The following MTFR1 variants were observed in gnomAD, a reference collection of about 807,000 sequenced individuals.
MTFR1 encodes the protein chondrocyte protein with a poly-proline region.
Under a neutral mutation model 38.8 loss-of-function variants are expected in MTFR1, and 28 were observed. The observed-to-expected ratio is 0.72, with a 90% CI of 0.53 to 0.99. The LOEUF (loss-of-function observed/expected upper bound fraction) is 0.99. Ranked by LOEUF, MTFR1 falls within the 50% of genes least tolerant of loss-of-function variation. MTFR1 has a pLI of 0.00. For missense variants in MTFR1, 358 were observed against 395.5 expected (o/e 0.91, Z 0.81); for synonymous variants, 145 against 137.0 (o/e 1.06, Z -0.41).
At chr8:65,675,474 C>T (rs866330780) in intron 2 of MTFR1, among the ~76,000 whole-genome samples, 1 of 151,352 alleles carries the variant, frequency 6.6e-6, no homozygotes, top group Non-Finnish European at 1.5e-5. Flanking sequence ...TGGTGGGCAC[C>T]TGTAGTCCCA....
At chr8:65,758,908 G>A (rs1235178584) in intron 3 of MTFR1, among the ~76,000 whole-genome samples, 4 of 152,130 alleles carry the variant, frequency 2.6e-5, no homozygotes, top group Non-Finnish European at 4.4e-5. Flanking sequence ...TGTTCAGGGC[G>A]TTCCTACCAT....
chr8:65,686,043 T>C (rs1805062524), intron 3 of MTFR1, among the ~76,000 whole-genome samples: 1 of 152,224 alleles, frequency 6.6e-6, no homozygotes, highest in South Asian at 2.1e-4. Flanking sequence ...CGTAGTAGTA[T>C]GGTATAGTGA....
chr8:65,756,437 T>TC (rs1334604665), intron 3 of MTFR1, among the ~76,000 whole-genome samples: 1 of 152,048 alleles, frequency 6.6e-6, no homozygotes, highest in East Asian at 1.9e-4. Flanking sequence ...CTCTTTTTTT[T>TC]CTCTCTCTCT....
At chr8:65,712,288 C>T (rs764882237), downstream of MTFR1, among the ~76,000 whole-genome samples, 4 of 152,164 alleles carry the variant, frequency 2.6e-5, no homozygotes, top group African/African-American at 4.8e-5. Flanking sequence ...GCACTGACCG[C>T]GGGGGCTGAG....
At chr8:65,646,625 G>C (rs764416070) in intron 1 of MTFR1, among the ~76,000 whole-genome samples, 2 of 152,136 alleles carry the variant, frequency 1.3e-5, no homozygotes, top group African/African-American at 4.8e-5. Context: ...CGAGCACTTT[G>C]CAAAGGCCGA....
intron 3 of MTFR1, among the ~76,000 whole-genome samples, chr8:65,768,013 G>GA (rs1052915543): frequency 7.2e-5 from 11 of 152,022 alleles, no homozygotes; most frequent in Non-Finnish European, 1.6e-4. Flanking sequence ...AACCTGTGGG[G>GA]TCTGACACTC....
intron 2 of MTFR1, chr8:65,717,653 G>A (rs2129062420): frequency 6.6e-6 from 1 of 152,290 alleles, no homozygotes; most frequent in East Asian, 1.9e-4. Context: ...CCAAAAGATT[G>A]AGTTATAAGG....
At chr8:65,644,196 C>T (rs771273777), upstream of MTFR1, among the ~76,000 whole-genome samples, 1 of 152,182 alleles carries the variant, frequency 6.6e-6, no homozygotes, top group Non-Finnish European at 1.5e-5. Flanking sequence ...CCAAATGAAT[C>T]GGACTGAACA....
chr8:65,653,793 G>A (rs1280948473), intron 1 of MTFR1, among the ~76,000 whole-genome samples: 2 of 151,942 alleles, frequency 1.3e-5, no homozygotes, highest in East Asian at 1.9e-4. Context: ...GGCTGGGTAT[G>A]GTGGCTCATG....
chr8:65,647,908 C>T (rs1258121853), intron 1 of MTFR1, among the ~76,000 whole-genome samples: 1 of 152,094 alleles, frequency 6.6e-6, no homozygotes, highest in Non-Finnish European at 1.5e-5. Flanking sequence ...TACTGTTGGA[C>T]ATTTTTCACA....
chr8:65,715,996 CAAAAAAAAAAAAAAA>C (rs779701295), intron 2 of MTFR1, among the ~76,000 whole-genome samples: 2 of 33,868 alleles, frequency 5.9e-5, no homozygotes, highest in Admixed American at 5.0e-4. Flanking sequence ...GGCTCTGTCT[CAAAAAAAAAAAAAAA>C]AAAAAAAAAA....
chr8:65,682,488 A>G (rs1563446518), intron 3 of MTFR1, 37 bp downstream of exon 3: 2 of 1,101,168 alleles, frequency 1.8e-6, no homozygotes, highest in South Asian at 2.6e-5. Flanking sequence ...TTTTATTAAT[A>G]TGTACATTAG....
At chr8:65,747,649 C>T (rs565134862) in intron 3 of MTFR1, 3 of 1,596,072 alleles carry the variant, frequency 1.9e-6, no homozygotes, top group Middle Eastern at 1.7e-4. Flanking sequence ...AAACTATACA[C>T]ACCTTGGCTT....
At chr8:65,721,762 G>A (rs531324892) in intron 3 of MTFR1, 7 of 150,744 alleles carry the variant, frequency 4.6e-5, no homozygotes, top group East Asian at 3.9e-4. Context: ...GTTGACTACC[G>A]ATTCACCTGT....
At chr8:65,698,337 G>A (rs1450791930) in intron 4 of MTFR1, among the ~76,000 whole-genome samples, 1 of 151,452 alleles carries the variant, frequency 6.6e-6, no homozygotes, top group Non-Finnish European at 1.5e-5. Context: ...ATGGGTTTTC[G>A]CCATGTTGCC....
intron 2 of MTFR1, among the ~76,000 whole-genome samples, chr8:65,679,977 C>T (rs561808574): frequency 9.5e-4 from 145 of 152,060 alleles, no homozygotes; most frequent in South Asian, 1.7e-3. Context: ...TTTACATTTC[C>T]GAAGCAAGAG....
chr8:65,743,771 AT>A (rs2128904266), intron 3 of MTFR1, among the ~76,000 whole-genome samples: 1 of 152,314 alleles, frequency 6.6e-6, no homozygotes, highest in South Asian at 2.1e-4. Flanking sequence ...TGATTTCATT[AT>A]TCTAAAGTCA....
In MTFR1 at chr8:65,729,099, T is replaced by C. The variant is rs1320720303; in HGVS notation, c.*48+9618T>C. 2.0e-5 allele frequency among the ~76,000 whole-genome samples: 3 copies of C among 152,182 alleles called. No homozygotes were observed. The East Asian group carries it at 5.8e-4, about 29-fold the overall frequency. Reference sequence around the variant, plus strand: ...TTTTTAAGGTGGATTAAAAGACAGATGTTATTTCCATTCTGTGATTACATC... The same window carrying C: ...TTTTTAAGGTGGATTAAAAGACAGACGTTATTTCCATTCTGTGATTACATC... On this transcript the variant is annotated intron_variant, in intron 3 of 3. Coordinates refer to the MTFR1 transcript ENST00000521247.
chr8:65,670,829 C>T (rs1218338061), intron 2 of MTFR1, among the ~76,000 whole-genome samples: 9 of 151,872 alleles, frequency 5.9e-5, no homozygotes, highest in African/African-American at 2.2e-4. Context: ...CTCAGCTCCC[C>T]GAGTAGCTGG....
Sources: gnomAD v4.1 joint callset for allele counts (sites outside exome capture counted in the v4.1 genomes callset) on GRCh38, gnomAD v4.1.1 for gene constraint, MANE v1.5 for transcripts, NCBI Gene and HGNC (gene_info 2026-07-23, HGNC 2026-07-21) for gene names.